The following PKN2 variants were observed in gnomAD, a reference collection of about 807,000 sequenced individuals.
PKN2 encodes the protein protein kinase N2, also known as serine/threonine-protein kinase N2.
Under a neutral mutation model 119.1 loss-of-function variants are expected in PKN2, and 38 were observed. That is an observed-to-expected ratio of 0.32 (90% CI 0.25 to 0.42). The LOEUF is 0.42. PKN2 is among the 10% of genes least tolerant of loss of function. The pLI is 1.00. For missense variants in PKN2, 850 were observed against 1,165.1 expected, an observed-to-expected ratio of 0.73 and a Z score of 3.94; for synonymous variants, 390 against 384.9, an observed-to-expected ratio of 1.01 and a Z score of -0.15.
chr1:88,702,112 C>T (rs542621675), intron 1 of PKN2, among the ~76,000 whole-genome samples: 34 of 152,252 alleles, frequency 2.2e-4, no homozygotes, highest in African/African-American at 7.2e-4. Flanking sequence ...GCATGTGCCA[C>T]CAAGCCCAGC....
intron 7 of PKN2, among the ~76,000 whole-genome samples, chr1:88,785,044 G>C (rs992492759): frequency 6.6e-6 from 1 of 152,196 alleles, no homozygotes; most frequent in Admixed American, 6.5e-5. Context: ...TAGTTCTTTT[G>C]GAAGAATGAA....
rs373758248 is a variant in PKN2 at position 88,805,637 on chromosome 1, G to A, written c.1642G>A (p.Asp548Asn). 8.7e-6 allele frequency: 14 copies of A among 1,613,942 alleles called. No homozygotes were observed. Among genetic ancestry groups the A allele is most frequent in the Non-Finnish European group, 1.1e-5 (13 of 1,180,006 alleles). Residue 548 changes from aspartate to asparagine, a missense_variant, in exon 11 of 22, where the codon GAT (aspartate) becomes AAT (asparagine). Asp to Asn is a conservative substitution (Grantham distance 23, BLOSUM62 1). Around this residue, in one of 9 missense-constraint regions of PKN2, gnomAD observed 216 missense variants for 252.8 expected, o/e 0.85. Transcript: ENST00000370521. ...TGTGCCTACTACAGTGCCAGTGGTTGATGTACGCATCCCTCAACTAGCACC... is the reference window on the plus strand; with the variant it reads ...TGTGCCTACTACAGTGCCAGTGGTTAATGTACGCATCCCTCAACTAGCACC... ...APVPTTVPVV[D>N]VRIPQLAPPA...
chr1:88,699,373 G>T (rs996366044), intron 1 of PKN2, among the ~76,000 whole-genome samples: 1 of 151,926 alleles, frequency 6.6e-6, no homozygotes, highest in African/African-American at 2.4e-5. Context: ...TTGCGTATAG[G>T]CTAGAATTAT....
rs909023465 is a variant in PKN2, at chr1:88,823,880, G to A, written c.2343-430G>A. Among the ~76,000 whole-genome samples the A allele has an allele frequency of 2.0e-5, 3 of 151,040 alleles. No individual in the cohort carries two copies. In the East Asian group the frequency reaches 5.8e-4, roughly 29 times the overall value. ...AAAAGTTAGCCGGGTGTAGTGGCACGCGACTGTAGTCCCAGCTACTCGGGA... is the reference window on the plus strand; with the variant it reads ...AAAAGTTAGCCGGGTGTAGTGGCACACGACTGTAGTCCCAGCTACTCGGGA... On this transcript the variant is annotated intron_variant, in intron 17 of 21. Coordinates refer to ENST00000370521, the MANE Select transcript of PKN2 (RefSeq NM_006256.4).
At chr1:88,739,805 C>T (rs1439533406) in intron 1 of PKN2, among the ~76,000 whole-genome samples, 1 of 152,108 alleles carries the variant, frequency 6.6e-6, no homozygotes, top group Non-Finnish European at 1.5e-5. Flanking sequence ...ATTGGATTTT[C>T]ATTTTAAGGT....
chr1:88,761,583 C>A (rs1488895925), intron 3 of PKN2, among the ~76,000 whole-genome samples: 1 of 143,086 alleles, frequency 7.0e-6, no homozygotes, highest in Non-Finnish European at 1.5e-5. Context: ...CGAAACCAGC[C>A]TGGTCAATAT....
intron 2 of PKN2, among the ~76,000 whole-genome samples, chr1:88,741,598 C>T (rs1054677605): frequency 6.6e-6 from 1 of 152,056 alleles, no homozygotes; most frequent in Non-Finnish European, 1.5e-5. Flanking sequence ...CATGCTTTTA[C>T]GTGATTCATC....
At chr1:88,799,486 T>G (rs1203125295) in intron 8 of PKN2, among the ~76,000 whole-genome samples, 1 of 152,202 alleles carries the variant, frequency 6.6e-6, no homozygotes, top group Non-Finnish European at 1.5e-5. Flanking sequence ...ACCCTGTTTT[T>G]GGGCTGATGA....
chr1:88,778,796 C>T lies in PKN2; in HGVS notation c.986-5843C>T, dbSNP rs569893608. On this transcript the variant is annotated intron_variant, in intron 6 of 21. Coordinates refer to ENST00000370521, the MANE Select transcript of PKN2 (RefSeq NM_006256.4). The stretch of plus-strand genomic sequence containing the variant: ...TGGCGTGATCTCCGCTCACTGCAAG[C>T]TCCGCCTCCTGGATTCACACCATTC... Among the ~76,000 whole-genome samples the T allele has an allele frequency of 7.9e-5, 12 of 152,148 alleles. No homozygotes were observed. The South Asian group carries it at 2.5e-3, about 32-fold the overall frequency.
chr1:88,820,154 TAAATC>T (rs1403236099), intron 16 of PKN2, among the ~76,000 whole-genome samples: 20 of 120,892 alleles, frequency 1.7e-4, no homozygotes, highest in African/African-American at 3.4e-4. Context: ...TAAAAGTAAA[TAAATC>T]AAACAAATCT....
At chr1:88,828,655 G>A (rs762153614) in intron 19 of PKN2, 32 bp downstream of exon 19, 2 of 1,556,526 alleles carry the variant, frequency 1.3e-6, no homozygotes, top group East Asian at 2.3e-5. Context: ...AGAGAACAGA[G>A]GAAGGATGAT....
At position 88,784,834 on chromosome 1, in the gene PKN2, C is replaced by T. The variant is rs956762885; in HGVS notation, c.1171+10C>T. The T allele has an allele frequency of 6.4e-7, 1 of 1,558,816 alleles. No individual in the cohort carries two copies. Among genetic ancestry groups the T allele is most frequent in the African/African-American group, 1.4e-5 (1 of 72,574 alleles). ...ACCGATGACTTGTCCAGTTCAGTAA[C>T]CAGATTTTTAAAAATCATGTAACAA... On this transcript the variant is annotated intron_variant, in intron 7 of 21. Coordinates refer to ENST00000370521, the MANE Select transcript of PKN2 (RefSeq NM_006256.4).
chr1:88,722,044 G>T (rs1470443442), intron 1 of PKN2, among the ~76,000 whole-genome samples: 2 of 152,186 alleles, frequency 1.3e-5, no homozygotes, highest in Non-Finnish European at 2.9e-5. Context: ...TTGATCAGTG[G>T]CATGGTGATC....
intron 1 of PKN2, among the ~76,000 whole-genome samples, chr1:88,721,297 T>A (rs993498604): frequency 6.6e-6 from 1 of 152,120 alleles, no homozygotes; most frequent in Admixed American, 6.6e-5. Flanking sequence ...TTTTTTTTTA[T>A]TTTTAAAATT....
chr1:88,832,683 G>T, intron 19 of PKN2, 61 bp from the exon 20 acceptor site: 1 of 824,830 alleles, frequency 1.2e-6, no homozygotes, highest in South Asian at 1.6e-5. Flanking sequence ...TACTTTGAAT[G>T]GGTGATAAGA....
At chr1:88,728,615 G>A (rs1667995827) in intron 1 of PKN2, among the ~76,000 whole-genome samples, 1 of 151,972 alleles carries the variant, frequency 6.6e-6, no homozygotes, top group South Asian at 2.1e-4. Context: ...TGATAAAGTT[G>A]TTTCCCATGG....
Position 88,834,874 on chromosome 1 carries a change from T to C in PKN2, c.*1426T>C, listed in dbSNP as rs1672881553. 1 of 152,468 alleles carries C rather than the reference T, an allele frequency of 6.6e-6. No homozygotes were observed. Among genetic ancestry groups the C allele is most frequent in the East Asian group, 1.9e-4 (1 of 5,196 alleles). The allele number at this position is 152,468 out of a possible 1,614,324, so 9.4% of individuals were successfully genotyped here. On this transcript the variant is annotated 3_prime_UTR_variant, in exon 22 of 22. Transcript: ENST00000370521. Reference sequence around the variant, plus strand: ...AATCTATGACTTTATTGTTTTTTCTTAGTTTAGTAATAGCATCTTTGATCC... The same window carrying C: ...AATCTATGACTTTATTGTTTTTTCTCAGTTTAGTAATAGCATCTTTGATCC...
intron 1 of PKN2, among the ~76,000 whole-genome samples, chr1:88,689,616 G>A (rs2100643620): frequency 6.6e-6 from 1 of 152,246 alleles, no homozygotes; most frequent in African/African-American, 2.4e-5. Context: ...TTCGAGACTA[G>A]CCTGGCCAAC....
At chr1:88,791,753 A>G (rs958496434) in intron 8 of PKN2, among the ~76,000 whole-genome samples, 2 of 152,172 alleles carry the variant, frequency 1.3e-5, no homozygotes, top group Non-Finnish European at 2.9e-5. Context: ...CAGATAACAG[A>G]TTCTGAGGTT....
Sources: gnomAD v4.1 joint callset for allele counts (sites outside exome capture counted in the v4.1 genomes callset) on GRCh38, gnomAD v4.1.1 for gene constraint, gnomAD v4.1.1 regional missense constraint, MANE v1.5 for transcripts, NCBI Gene and HGNC (gene_info 2026-07-23, HGNC 2026-07-21) for gene names.